CACNA1A: variants seen among roughly 807,000 people sequenced by gnomAD.
CACNA1A encodes the protein calcium voltage-gated channel subunit alpha1 A, also known as voltage-dependent P/Q-type calcium channel subunit alpha-1A.
CACNA1A carries 57 observed loss-of-function variants against 262.4 expected under a neutral mutation model. The ratio of observed to expected loss-of-function variants is 0.22; its 90% CI spans 0.18 to 0.27. CACNA1A has a LOEUF of 0.27. Among genes scored for constraint, CACNA1A ranks in the 10% least tolerant of loss-of-function variants. The pLI is 1.00. For synonymous variants in CACNA1A, 1,431 were observed against 1,419.3 expected (o/e 1.01, Z -0.18); for missense variants, 2,526 against 3,562.8 (o/e 0.71, Z 7.41).
intron 23 of CACNA1A, among the ~76,000 whole-genome samples, chr19:13,276,477 AAG>A (rs1402829954): frequency 1.3e-5 from 2 of 152,122 alleles, no homozygotes; most frequent in Non-Finnish European, 2.9e-5. Flanking sequence ...CACTCAAAGT[AAG>A]AGCCGAAGAG....
At chr19:13,247,332 C>T (rs770865951) in intron 30 of CACNA1A, among the ~76,000 whole-genome samples, 5 of 152,202 alleles carry the variant, frequency 3.3e-5, no homozygotes, top group Non-Finnish European at 5.9e-5. Context: ...GAATGTGCGT[C>T]GCTGAGCATG....
chr19:13,263,146 C>T, intron 24 of CACNA1A: 1 of 300,840 alleles, frequency 3.3e-6, no homozygotes, highest in Non-Finnish European at 6.4e-6. Flanking sequence ...TGGCTGATTC[C>T]CCACCCCCAT....
intron 3 of CACNA1A, among the ~76,000 whole-genome samples, chr19:13,388,861 CTGT>C (rs2059664698): frequency 6.6e-6 from 1 of 152,076 alleles, no homozygotes; most frequent in Non-Finnish European, 1.5e-5. Context: ...TAGACACATT[CTGT>C]TGTTTCCTGT....
chr19:13,389,059 C>T (rs541404830), intron 3 of CACNA1A, among the ~76,000 whole-genome samples: 3 of 152,124 alleles, frequency 2.0e-5, no homozygotes, highest in South Asian at 2.1e-4. Flanking sequence ...CCCGCCACCA[C>T]GTCCAGCTAA....
At chr19:13,455,505 G>C (rs2060989972) in intron 1 of CACNA1A, among the ~76,000 whole-genome samples, 1 of 152,194 alleles carries the variant, frequency 6.6e-6, no homozygotes, top group African/African-American at 2.4e-5. Flanking sequence ...CTGGGCTAGG[G>C]ACACAGTTGA....
Sources: gnomAD v4.1 joint callset for allele counts (sites outside exome capture counted in the v4.1 genomes callset) on GRCh38, gnomAD v4.1.1 for gene constraint, MANE v1.5 for transcripts, NCBI Gene and HGNC (gene_info 2026-07-23, HGNC 2026-07-21) for gene names.